The following PFKFB3 variants were observed in gnomAD, a reference collection of about 807,000 sequenced individuals.
The protein encoded by PFKFB3 is 6-phosphofructo-2-kinase/fructose-2,6-bisphosphatase 3.
In PFKFB3, 33 loss-of-function variants were observed where a neutral mutation model predicts 68.0. The observed-to-expected ratio is 0.49, with a 90% CI of 0.37 to 0.65. The LOEUF is 0.65. Among genes scored for constraint, PFKFB3 ranks in the 30% least tolerant of loss-of-function variants. The pLI, the probability that PFKFB3 is intolerant of heterozygous loss-of-function variation, is 0.00. For missense variants in PFKFB3, 586 were observed against 712.2 expected (o/e 0.82, Z 2.02); for synonymous variants, 315 against 288.2 (o/e 1.09, Z -0.94).
the PFKFB3 span, chr10:6,293,568 A>T: frequency 5.1e-6 from 1 of 194,432 alleles, no homozygotes; most frequent in Non-Finnish European, 1.1e-5. Context: ...CTGGTCTCAA[A>T]CTCCTGACAT....
chr10:6,226,633 T>G (rs1047469327), intron 14 of PFKFB3, among the ~76,000 whole-genome samples: 30 of 152,150 alleles, frequency 2.0e-4, no homozygotes, highest in African/African-American at 7.0e-4. Context: ...TTCGCCTCCT[T>G]TCTGAGGATG....
the PFKFB3 span, among the ~76,000 whole-genome samples, chr10:6,272,233 C>T: frequency 6.6e-6 from 1 of 152,208 alleles, no homozygotes; most frequent in South Asian, 2.1e-4. Flanking sequence ...TGATAAATGT[C>T]CCTTCTGTCC....
chr10:6,183,921 A>C (rs1842796345), intron 1 of PFKFB3, among the ~76,000 whole-genome samples: 1 of 151,008 alleles, frequency 6.6e-6, no homozygotes, highest in Non-Finnish European at 1.5e-5. Context: ...TGATCTCCTG[A>C]CCTCGTGATC....
chr10:6,292,941 T>C, the PFKFB3 span, among the ~76,000 whole-genome samples: 1 of 152,310 alleles, frequency 6.6e-6, no homozygotes, highest in East Asian at 1.9e-4. Flanking sequence ...GGTTATCAGA[T>C]GAAACAGTAA....
chr10:6,245,136 G>A (rs1846225891), intron 14 of PFKFB3, among the ~76,000 whole-genome samples: 1 of 152,136 alleles, frequency 6.6e-6, no homozygotes, highest in African/African-American at 2.4e-5. Flanking sequence ...TTGCTCTGTT[G>A]CCCAGGCTGG....
chr10:6,177,420 TC>T (rs1842528591), intron 1 of PFKFB3, among the ~76,000 whole-genome samples: 1 of 135,324 alleles, frequency 7.4e-6, no homozygotes, highest in African/African-American at 2.7e-5. Context: ...TCTTTCTCTT[TC>T]TTCCTTTCTT....
At chr10:6,294,074 T>C in the PFKFB3 span, 3 of 503,064 alleles carry the variant, frequency 6.0e-6, no homozygotes, top group African/African-American at 2.0e-5. Context: ...AAGGTCTTGC[T>C]ACCAACTGGC....
chr10:6,214,972 G>A (rs959001347), intron 2 of PFKFB3, among the ~76,000 whole-genome samples: 1 of 152,236 alleles, frequency 6.6e-6, no homozygotes, highest in African/African-American at 2.4e-5. Flanking sequence ...TTGGCTGGAG[G>A]GGACAGTGTC....
rs370701565 is a variant in PFKFB3 at position 6,221,763 on chromosome 10, C to T, written c.1083+18C>T. On this transcript the variant is annotated intron_variant, in intron 10 of 14. Coordinates refer to ENST00000379775, the MANE Select transcript of PFKFB3 (RefSeq NM_004566.4). ...CCGGGGAGGTGAGCGCAGGCTGGGG[C>T]GGGCTGACGGTCCCCAGCACACATG... The T allele has an allele frequency of 1.9e-5, 29 of 1,516,442 alleles. No homozygotes were observed. In the Middle Eastern group the frequency reaches 6.4e-4, roughly 34 times the overall value. The allele number at this position is 1,516,442 out of a possible 1,614,324, so 93.9% of individuals were successfully genotyped here.
rs1844477576 is a variant in PFKFB3, at chr10:6,215,142, G to A, written c.203-79G>A. ...TGGTTGGCCTGGTGGCTCTTCCTTT[G>A]GTCGATCCTATGGTCCCGGTGTGAG... On this transcript the variant is annotated intron_variant, in intron 2 of 14. Transcript: ENST00000379775. This position sits in a 1 kb window ranked among gnomAD's most constrained non-coding sequence, Gnocchi z 4.3. 8.0e-7 allele frequency: 1 copy of A among 1,251,998 alleles called. No individual in the cohort carries two copies. The highest frequency in any genetic ancestry group is 1.2e-6 in the Non-Finnish European group (1 of 859,408). 77.6% of individuals were successfully genotyped at this position (1,251,998 alleles called of 1,614,324 possible).
intron 1 of PFKFB3, among the ~76,000 whole-genome samples, chr10:6,177,448 C>CT (rs1304819439): frequency 8.8e-6 from 1 of 113,216 alleles, no homozygotes; most frequent in African/African-American, 3.2e-5. Context: ...CTCTTTCTTT[C>CT]TTTCTTTCTT....
At chr10:6,308,611 AGAT>A in the PFKFB3 span, among the ~76,000 whole-genome samples, 1 of 152,096 alleles carries the variant, frequency 6.6e-6, no homozygotes, top group African/African-American at 2.4e-5. Flanking sequence ...TAATTTATTC[AGAT>A]AATAAAAACA....
At chr10:6,242,879 C>T (rs1409001956) in intron 14 of PFKFB3, among the ~76,000 whole-genome samples, 5 of 152,348 alleles carry the variant, frequency 3.3e-5, no homozygotes, top group East Asian at 1.9e-4. Context: ...TGAGCCACTG[C>T]GCCCGGCCTA....
chr10:6,183,045 C>T (rs1378402992), intron 1 of PFKFB3, among the ~76,000 whole-genome samples: 1 of 152,186 alleles, frequency 6.6e-6, no homozygotes, highest in Non-Finnish European at 1.5e-5. Flanking sequence ...ACGCCCCAGC[C>T]CCAAACCTAG....
At chr10:6,279,499 T>A in the PFKFB3 span, among the ~76,000 whole-genome samples, 1 of 152,260 alleles carries the variant, frequency 6.6e-6, no homozygotes, top group East Asian at 1.9e-4. Context: ...ACAACAAGGA[T>A]CTTGGTTCTT....
chr10:6,226,216 C>T lies in PFKFB3; in HGVS notation c.1366C>T (p.Leu456Phe), dbSNP rs773544557. 1.8e-5 allele frequency: 29 copies of T among 1,610,490 alleles called. No homozygotes were observed. Among genetic ancestry groups the T allele is most frequent in the Non-Finnish European group, 2.3e-5 (27 of 1,178,466 alleles). ...GGATGCAAAGAAGGGACCTAACCCG[C>T]TCATGAGACGCAATAGTGTCACCCC... is the stretch of plus-strand genomic sequence containing the variant. ...SEDAKKGPNP[L>F]MRRNSVTPLA... The change falls in exon 14 of 15, where the codon CTC (leucine) becomes TTC (phenylalanine). Residue 456 changes from leucine to phenylalanine, a missense_variant. Physicochemically the swap from Leu to Phe is conservative, Grantham distance 22. Coordinates refer to ENST00000379775, the MANE Select transcript of PFKFB3 (RefSeq NM_004566.4).
chr10:6,225,941 TTGTC>T (rs1564640176), intron 13 of PFKFB3, among the ~76,000 whole-genome samples: 1 of 152,172 alleles, frequency 6.6e-6, no homozygotes. Context: ...AGCACCGTGT[TTGTC>T]TGTGTGGGGA....
intron 10 of PFKFB3, among the ~76,000 whole-genome samples, chr10:6,222,480 C>G (rs35995560): frequency 0.26 from 38,818 of 152,200 alleles, 5,107 homozygotes; most frequent in Middle Eastern, 0.34. Context: ...ACAAAGAAAC[C>G]CAGACCTGTT....
chr10:6,280,343 T>G, the PFKFB3 span, among the ~76,000 whole-genome samples: 1 of 152,206 alleles, frequency 6.6e-6, no homozygotes, highest in Non-Finnish European at 1.5e-5. Context: ...CGATTGGGCA[T>G]GGGCCATGTC....
Sources: allele counts gnomAD v4.1 joint callset (sites outside exome capture counted in the v4.1 genomes callset), GRCh38; gene constraint gnomAD v4.1.1; non-coding constraint Gnocchi (gnomAD v3.1); transcripts MANE v1.5; gene names NCBI Gene and HGNC (gene_info 2026-07-23, HGNC 2026-07-21).